Variants in TTN observed in about 807,000 individuals in gnomAD.
The protein encoded by TTN is titin.
Under a neutral mutation model 3,223.0 loss-of-function variants are expected in TTN, and 1,525 were observed. That is an observed-to-expected ratio of 0.47 (90% CI 0.45 to 0.49). TTN has a LOEUF of 0.49. Ranked by LOEUF, TTN falls within the 20% of genes least tolerant of loss-of-function variation. The probability of loss-of-function intolerance (pLI) is 0.00; values close to 1 mark genes in which losing one functional copy is unlikely to be tolerated. For synonymous variants in TTN, 14,094 were observed against 15,161.0 expected, an observed-to-expected ratio of 0.93 and a Z score of 5.17; for missense variants, 40,786 against 43,424.0, an observed-to-expected ratio of 0.94 and a Z score of 5.40.
chr2:178,606,541 T>C (rs1298580550), intron 278 of TTN, among the ~76,000 whole-genome samples: 2 of 152,002 alleles, frequency 1.3e-5, no homozygotes, highest in Non-Finnish European at 2.9e-5. Context: ...TGGTTGGTTT[T>C]CTATTCTTTG....
intron 127 of TTN, among the ~76,000 whole-genome samples, chr2:178,687,112 GA>G (rs1320488995): frequency 2.6e-5 from 4 of 151,974 alleles, no homozygotes; most frequent in Non-Finnish European, 5.9e-5. Context: ...TGTTCCAAGT[GA>G]AAAAAGGGGC....
intron 107 of TTN, 31 bp downstream of exon 107, chr2:178,702,423 A>G: frequency 6.2e-7 from 1 of 1,612,458 alleles, no homozygotes; most frequent in South Asian, 1.1e-5. Flanking sequence ...CTTAAATTAT[A>G]CATTCACTGG....
Position 178,633,805 on chromosome 2 carries a change from G to C in TTN, c.42682+12C>G, listed in dbSNP as rs766158347. The C allele has an allele frequency of 4.3e-6, 7 of 1,611,760 alleles. No individual in the cohort carries two copies. The highest frequency in any genetic ancestry group is 1.6e-4 in the Middle Eastern group (1 of 6,068). On this transcript the variant is annotated intron_variant, in intron 231 of 362. Transcript: ENST00000589042. ...AGAAACTGGCTATCTGGTTATACTT[G>C]GTTACATTTACCTAAGACCTTCAGC...
rs1297518586 is a variant in TTN, at chr2:178,728,121, A to G, written c.19703T>C (p.Leu6568Ser). Residue 6568 changes from leucine to serine, a missense_variant, in exon 67 of 363, where the codon TTA (leucine) becomes TCA (serine). By Grantham distance (145) the Leu-to-Ser change is moderately radical (BLOSUM62 -2). Coordinates refer to ENST00000589042, the MANE Select transcript of TTN (RefSeq NM_001267550.2). ...VAGDDACSGILTVKEPPSFLV... is the reference protein window; with the variant it reads ...VAGDDACSGISTVKEPPSFLV... ...AAAGAAATTCTAACCTTTCACAGTTAAGATGCCACTGCATGCATCATCTCC... is the reference window on the plus strand; with the variant it reads ...AAAGAAATTCTAACCTTTCACAGTTGAGATGCCACTGCATGCATCATCTCC... 6.3e-7 allele frequency: 1 copy of G among 1,575,476 alleles called. No homozygotes were observed. Among genetic ancestry groups the G allele is most frequent in the Admixed American group, 1.8e-5 (1 of 55,092 alleles).
intron 257 of TTN, 103 bp downstream of exon 257, chr2:178,616,376 G>A: frequency 6.7e-7 from 1 of 1,483,736 alleles, no homozygotes; most frequent in Non-Finnish European, 9.2e-7. Flanking sequence ...GTGAGGTAAA[G>A]GTAAGAAGTT....
At position 178,780,061 on chromosome 2, in the gene TTN, G is replaced by A. The variant is rs78269740; in HGVS notation, c.3668C>T (p.Ala1223Val). 7.6e-4 allele frequency: 1,222 copies of A among 1,613,558 alleles called. 12 individuals carry two copies. In the African/African-American group the frequency reaches 0.014, roughly 19 times the overall value. The change falls in exon 22 of 363, where the codon GCC becomes GTC. Residue 1223 changes from alanine to valine, a missense_variant. Coordinates refer to ENST00000589042, the MANE Select transcript of TTN (RefSeq NM_001267550.2). The part of the protein sequence containing the change: ...EYEKEYEKEQ[A>V]LIRKKMAKDT... Reference sequence around the variant, plus strand: ...TTTGGCCATTTTCTTCCTAATTAAGGCTTGTTCTTTTTCATACTCTTTTTC... The same window carrying A: ...TTTGGCCATTTTCTTCCTAATTAAGACTTGTTCTTTTTCATACTCTTTTTC...
Position 178,551,129 on chromosome 2 carries a change from A to G in TTN, c.91402T>C (p.Trp30468Arg). Reference sequence around the variant, plus strand: ...ACGTCAGTAAAGTTGCATCTCACCCAGCGTTCATTTCCTTGCCGTTTCTCA... The same window carrying G: ...ACGTCAGTAAAGTTGCATCTCACCCGGCGTTCATTTCCTTGCCGTTTCTCA... Reference protein sequence around the residue: ...SIEKRQGNERWVRCNFTDVSE... With the variant: ...SIEKRQGNERRVRCNFTDVSE... The change falls in exon 336 of 363, where the codon TGG becomes CGG. Residue 30468 changes from tryptophan to arginine, a missense_variant. Transcript: ENST00000589042. The G allele has an allele frequency of 6.2e-7, 1 of 1,613,548 alleles. No homozygotes were observed. The highest frequency in any genetic ancestry group is 2.2e-5 in the East Asian group (1 of 44,788).
chr2:178,530,991 C>T lies in TTN; in HGVS notation c.105624G>A (p.Gly35208=), dbSNP rs763022587. Residue 35208 remains glycine, a synonymous_variant, in exon 358 of 363, where the codon GGG becomes GGA. Transcript: ENST00000589042. Reference sequence around the variant, plus strand: ...TCAGAGTGAACTCTGCTTCTTGTTTCCCTTCACTGTTTTCTACCACCACGC... The same window carrying T: ...TCAGAGTGAACTCTGCTTCTTGTTTTCCTTCACTGTTTTCTACCACCACGC... ...NYSVVVENSE[G]KQEAEFTLTI... 3.1e-6 allele frequency: 5 copies of T among 1,613,928 alleles called. No individual in the cohort carries two copies. The South Asian group carries it at 5.5e-5, about 18-fold the overall frequency.
In TTN at chr2:178,793,279, G is replaced by A. The variant is rs993441992; in HGVS notation, c.1536+125C>T. 5 of 1,390,988 alleles carry A rather than the reference G, an allele frequency of 3.6e-6. No individual in the cohort carries two copies. In the African/African-American group the frequency reaches 7.2e-5, roughly 20 times the overall value. The allele number at this position is 1,390,988 out of a possible 1,614,324, so 86.2% of individuals were successfully genotyped here. On this transcript the variant is annotated intron_variant, in intron 9 of 362. Transcript: ENST00000589042. Reference sequence around the variant, plus strand: ...ACCCAGAAATTTACACATACAACAAGGGGATCTTATTAGTATGCTAACAAC... The same window carrying A: ...ACCCAGAAATTTACACATACAACAAAGGGATCTTATTAGTATGCTAACAAC...
At chr2:178,730,454 A>T in intron 61 of TTN, 51 bp downstream of exon 61, 1 of 1,556,124 alleles carries the variant, frequency 6.4e-7, no homozygotes, top group East Asian at 2.3e-5. Flanking sequence ...TTTAGAAATG[A>T]AACAAAAATA....
rs1238130815 is a variant in TTN at position 178,605,392 on chromosome 2, TTATTA to T, written c.53881+17_53881+21del. On this transcript the variant is annotated intron_variant, in intron 279 of 362. Transcript: ENST00000589042. ...CACACTGTAAAATGCATTAAAATTA[TTATTA>T]TATTCAGATTCCGCACCTTCATCAT... The T allele has an allele frequency of 6.5e-7, 1 of 1,549,686 alleles. No homozygotes were observed. The highest frequency in any genetic ancestry group is 1.3e-5 in the South Asian group (1 of 78,794).
Position 178,702,060 on chromosome 2 carries a change from T to C in TTN, c.30518A>G (p.Lys10173Arg). 6.2e-7 allele frequency: 1 copy of C among 1,610,710 alleles called. No individual in the cohort carries two copies. Among genetic ancestry groups the C allele is most frequent in the South Asian group, 1.1e-5 (1 of 90,398 alleles). The change falls in exon 109 of 363, where the codon AAA becomes AGA. Residue 10173 changes from lysine to arginine, a missense_variant. Transcript: ENST00000589042. ...AELYLTTKEI[K>R]LELKPPDIPD... Reference sequence around the variant, plus strand: ...CTTACCAGGAGGCTTCAGCTCAAGTTTGATTTCTGCAAAATAAAAAAAAAA... The same window carrying C: ...CTTACCAGGAGGCTTCAGCTCAAGTCTGATTTCTGCAAAATAAAAAAAAAA...
chr2:178,577,985 T>C lies in TTN; in HGVS notation c.68527+3A>G, dbSNP rs1054553035. Reference sequence around the variant, plus strand: ...CTGGGTTTTTCTTCATATAATGACTTACCAATTGGGTCCAGTGCCACAACA... The same window carrying C: ...CTGGGTTTTTCTTCATATAATGACTCACCAATTGGGTCCAGTGCCACAACA... On this transcript the variant is annotated splice_donor_region_variant and intron_variant, in intron 322 of 362. Coordinates refer to ENST00000589042, the MANE Select transcript of TTN (RefSeq NM_001267550.2). 5.6e-6 allele frequency: 9 copies of C among 1,610,756 alleles called. No homozygotes were observed. In the East Asian group the frequency reaches 2.0e-4, roughly 36 times the overall value.
rs200378865 is a variant in TTN, at chr2:178,531,488, G to T, written c.105127C>A (p.Arg35043Ser). ...GATCTGGGGACCTCTTCATCTCTGC[G>T]TTGGGAAGCATAGGTGGTATAATCC... ...GGDYTTYASQRRDEEVPRSVF... is the reference protein window; with the variant it reads ...GGDYTTYASQSRDEEVPRSVF... Residue 35043 changes from arginine (R) to serine (S), a missense_variant, in exon 358 of 363, where the codon CGC becomes AGC. Coordinates refer to ENST00000589042, the MANE Select transcript of TTN (RefSeq NM_001267550.2). The T allele has an allele frequency of 1.9e-6, 3 of 1,613,856 alleles. No individual in the cohort carries two copies. In the East Asian group the frequency reaches 6.7e-5, roughly 36 times the overall value.
At chr2:178,624,775 C>T in intron 241 of TTN, 44 bp from the exon 242 acceptor site, 1 of 1,600,858 alleles carries the variant, frequency 6.2e-7, no homozygotes, top group Non-Finnish European at 8.5e-7. Context: ...CTTTCCTTCT[C>T]CAAGAGTTTT....
rs2080287202 is a variant in TTN at position 178,730,659 on chromosome 2, T to G, written c.17874A>C (p.Glu5958Asp). The change falls in exon 61 of 363, where the codon GAA becomes GAC. Residue 5958 changes from glutamate (E) to aspartate (D), a missense_variant. Coordinates refer to ENST00000589042, the MANE Select transcript of TTN (RefSeq NM_001267550.2). Reference sequence around the variant, plus strand: ...ATTTGTACTTTTCACTAGCTGATATTTCTTGGTCATCTTTGAACCACTGGA... The same window carrying G: ...ATTTGTACTTTTCACTAGCTGATATGTCTTGGTCATCTTTGAACCACTGGA... ...ISIQWFKDDQ[E>D]ISASEKYKFS... 8 of 1,613,580 alleles carry G rather than the reference T, an allele frequency of 5.0e-6. No individual in the cohort carries two copies. Among genetic ancestry groups the G allele is most frequent in the African/African-American group, 1.3e-5 (1 of 74,902 alleles).
In TTN at chr2:178,633,295, G is replaced by A. The variant is rs369959066; in HGVS notation, c.42978C>T (p.Tyr14326=). ...ARLIKVEKPL[Y]GVEVFVGETA... is the part of the protein sequence containing the mutation. ...TTTCACCAACAAACACCTCTACTCC[G>A]TACAGAGGCTTTTCCACTTTTATTA... The change falls in exon 233 of 363, where the codon TAC becomes TAT. Residue 14326 remains tyrosine (Y), a synonymous_variant. Transcript: ENST00000589042. 4.5e-4 allele frequency: 731 copies of A among 1,613,060 alleles called. 8 individuals are homozygous for A. In the South Asian group the frequency reaches 6.3e-3, roughly 14 times the overall value.
chr2:178,594,460 G>A lies in TTN; in HGVS notation c.58034C>T (p.Thr19345Ile), dbSNP rs551040385. Residue 19345 changes from threonine (T) to isoleucine (I), a missense_variant, in exon 296 of 363, where the codon ACT (threonine) becomes ATT (isoleucine). Physicochemically the swap from Thr to Ile is moderately conservative, Grantham distance 89. Coordinates refer to ENST00000589042, the MANE Select transcript of TTN (RefSeq NM_001267550.2). ...TNDNLLSRKY[T>I]VKGLKEGDTY... Reference sequence around the variant, plus strand: ...ATCACCTTCTTTTAAGCCTTTAACAGTGTATTTTCTGCTAAGCAAGTTGTC... The same window carrying A: ...ATCACCTTCTTTTAAGCCTTTAACAATGTATTTTCTGCTAAGCAAGTTGTC... 1 of 1,613,334 alleles carries A rather than the reference G, an allele frequency of 6.2e-7. No individual in the cohort carries two copies. Among genetic ancestry groups the A allele is most frequent in the African/African-American group, 1.3e-5 (1 of 74,992 alleles).
Position 178,674,386 on chromosome 2 carries a change from G to A in TTN, c.34636C>T (p.Pro11546Ser), listed in dbSNP as rs376366803. 1.9e-6 allele frequency: 3 copies of A among 1,587,172 alleles called. No individual in the cohort carries two copies. Among genetic ancestry groups the A allele is most frequent in the Admixed American group, 3.4e-5 (2 of 58,286 alleles). The change falls in exon 151 of 363, where the codon CCT (proline) becomes TCT (serine). Residue 11546 changes from proline (P) to serine (S), a missense_variant. Physicochemically the swap from Pro to Ser is moderately conservative, Grantham distance 74. Coordinates refer to ENST00000589042, the MANE Select transcript of TTN (RefSeq NM_001267550.2). ...VEVTEEPEEEPISEEEIPEEP... is the reference protein window; with the variant it reads ...VEVTEEPEEESISEEEIPEEP... ...TCTGGGATTTCTTCTTCTGAAATAG[G>A]CTCTTCTTCAGGCTCCTCAGTCACT...
Sources: gnomAD v4.1 joint callset for allele counts (sites outside exome capture counted in the v4.1 genomes callset) on GRCh38, gnomAD v4.1.1 for gene constraint, MANE v1.5 for transcripts, NCBI Gene and HGNC (gene_info 2026-07-23, HGNC 2026-07-21) for gene names.